The following DNAJC8 variants were observed in gnomAD, a reference collection of about 807,000 sequenced individuals.
DNAJC8 encodes DnaJ heat shock protein family (Hsp40) member C8, also known as dnaJ homolog subfamily C member 8.
DNAJC8 carries 24 observed loss-of-function variants against 43.2 expected under a neutral mutation model. The ratio of observed to expected loss-of-function variants is 0.56; its 90% CI spans 0.40 to 0.78. The LOEUF is 0.78. Ranked by LOEUF, DNAJC8 falls within the 30% of genes least tolerant of loss-of-function variation. DNAJC8 has a pLI of 0.00. For synonymous variants in DNAJC8, 83 were observed against 98.0 expected (o/e 0.85, Z 0.90); for missense variants, 207 against 299.4 (o/e 0.69, Z 2.28).
intron 1 of DNAJC8, among the ~76,000 whole-genome samples, chr1:28,231,015 A>G (rs1422990076): frequency 6.6e-6 from 1 of 152,118 alleles, no homozygotes; most frequent in Non-Finnish European, 1.5e-5. Context: ...CTTCTGCTTT[A>G]TTTTTTTATG....
chr1:28,206,425 A>G (rs1224438763), intron 6 of DNAJC8, among the ~76,000 whole-genome samples: 3 of 151,944 alleles, frequency 2.0e-5, no homozygotes, highest in Non-Finnish European at 4.4e-5. Context: ...ATTAGAATGT[A>G]TAATATCCAC....
At chr1:28,221,418 T>C (rs548729885) in intron 2 of DNAJC8, among the ~76,000 whole-genome samples, 2 of 152,216 alleles carry the variant, frequency 1.3e-5, no homozygotes, top group South Asian at 4.1e-4. Flanking sequence ...ATCTTGCAGC[T>C]TTCAGAGCGT....
chr1:28,207,780 G>A (rs909855465), intron 6 of DNAJC8, among the ~76,000 whole-genome samples: 5 of 151,392 alleles, frequency 3.3e-5, no homozygotes, highest in East Asian at 2.0e-4. Context: ...ATTAGGCCGC[G>A]CACGGTGGCT....
Position 28,223,924 on chromosome 1 carries a change from T to C in DNAJC8, c.180+4998A>G, listed in dbSNP as rs538271776. Reference sequence around the variant, plus strand: ...TACCTAGCATTCAAATCTTGATTTCTATATATCATTCTCTGCCAAAAGGAA... The same window carrying C: ...TACCTAGCATTCAAATCTTGATTTCCATATATCATTCTCTGCCAAAAGGAA... On this transcript the variant is annotated intron_variant, in intron 2 of 8. Coordinates refer to ENST00000263697, the MANE Select transcript of DNAJC8 (RefSeq NM_014280.3). Among the ~76,000 whole-genome samples the C allele has an allele frequency of 4.6e-5, 7 of 152,278 alleles. No individual in the cohort carries two copies. In the South Asian group the frequency reaches 1.4e-3, roughly 32 times the overall value.
chr1:28,216,978 T>A (rs1646860105), intron 2 of DNAJC8, among the ~76,000 whole-genome samples: 1 of 151,852 alleles, frequency 6.6e-6, no homozygotes, highest in Non-Finnish European at 1.5e-5. Context: ...CCGGCTCATT[T>A]TGTATTTTTA....
Position 28,210,142 on chromosome 1 carries a change from T to C in DNAJC8, c.305-76A>G. 4 of 1,275,698 alleles carry C rather than the reference T, an allele frequency of 3.1e-6. No homozygotes were observed. The South Asian group carries it at 4.8e-5, about 15-fold the overall frequency. The allele number at this position is 1,275,698 out of a possible 1,614,324, so 79.0% of individuals were successfully genotyped here. On this transcript the variant is annotated intron_variant, in intron 4 of 8. Transcript: ENST00000263697. ...CTGAACTATACTCAGGCAGTGTAAATGGACTTGTGCTCTCTAAAGCATTCC... is the reference window on the plus strand; with the variant it reads ...CTGAACTATACTCAGGCAGTGTAAACGGACTTGTGCTCTCTAAAGCATTCC...
Position 28,233,011 on chromosome 1 carries a change from G to T in DNAJC8, c.-13C>A. 1 of 1,610,584 alleles carries T rather than the reference G, an allele frequency of 6.2e-7. No homozygotes were observed. The stretch of plus-strand genomic sequence containing the variant: ...CTGAAGCCGCCATTTCCCCGGCCCA[G>T]CCACCACGTGACCCTTCTGCGCAGG... On this transcript the variant is annotated 5_prime_UTR_variant, in exon 1 of 9. The change creates a new upstream start codon in the 5' untranslated region. Transcript: ENST00000263697.
chr1:28,206,176 A>G (rs1268425482), intron 6 of DNAJC8, among the ~76,000 whole-genome samples: 1 of 151,926 alleles, frequency 6.6e-6, no homozygotes, highest in Non-Finnish European at 1.5e-5. Flanking sequence ...TGGACAACAG[A>G]GCAAGACTCT....
chr1:28,212,168 AATATATATATATATATATATATATATAT>A lies in DNAJC8; in HGVS notation c.238-1559_238-1532del, dbSNP rs201782610. 3.8e-3 allele frequency among the ~76,000 whole-genome samples: 118 copies of A among 31,028 alleles called. 8 individuals are homozygous for A. Among genetic ancestry groups the A allele is most frequent in the African/African-American group, 9.0e-3 (100 of 11,162 alleles). The allele number at this position is 31,028 out of a possible 152,430, so 20.4% of individuals were successfully genotyped here. A position where few individuals can be genotyped will look rare whatever the true frequency, so the allele number is the denominator to read the frequency against. ...CGGACTCCGTCTCAATAAATAAATA[AATATATATATATATATATATATATATAT>A]ATATATATATATATATATAAATGAA... On this transcript the variant is annotated intron_variant, in intron 3 of 8. Coordinates refer to ENST00000263697, the MANE Select transcript of DNAJC8 (RefSeq NM_014280.3).
At chr1:28,231,508 G>A (rs1198984145) in intron 1 of DNAJC8, among the ~76,000 whole-genome samples, 2 of 151,922 alleles carry the variant, frequency 1.3e-5, no homozygotes, top group Non-Finnish European at 2.9e-5. Context: ...TAAGTCAGGA[G>A]ATCAAGACCA....
chr1:28,219,172 C>A (rs1454783506), intron 2 of DNAJC8, among the ~76,000 whole-genome samples: 3 of 151,952 alleles, frequency 2.0e-5, no homozygotes, highest in Admixed American at 6.6e-5. Context: ...GGGATATATA[C>A]AGACAGTAAA....
Position 28,210,080 on chromosome 1 carries a change from T to C in DNAJC8, c.305-14A>G. The C allele has an allele frequency of 3.7e-6, 6 of 1,612,834 alleles. No homozygotes were observed. Among genetic ancestry groups the C allele is most frequent in the Non-Finnish European group, 4.2e-6 (5 of 1,178,874 alleles). On this transcript the variant is annotated splice_polypyrimidine_tract_variant and intron_variant, in intron 4 of 8. Transcript: ENST00000263697. ...CTTTGTCCACAGCTAATGCAAAACA[T>C]TGAAATTAACTGTTTCTGCAAACAC...
chr1:28,221,426 C>T (rs756820483), intron 2 of DNAJC8, among the ~76,000 whole-genome samples: 3 of 152,080 alleles, frequency 2.0e-5, no homozygotes, highest in African/African-American at 7.2e-5. Flanking sequence ...GCTTTCAGAG[C>T]GTGCAAACTC....
At chr1:28,229,684 G>T (rs1646960624) in intron 1 of DNAJC8, among the ~76,000 whole-genome samples, 1 of 151,714 alleles carries the variant, frequency 6.6e-6, no homozygotes, top group Non-Finnish European at 1.5e-5. Context: ...TGAGGCAGGA[G>T]AATCGCTTGA....
chr1:28,207,779 C>T (rs984517784), intron 6 of DNAJC8, among the ~76,000 whole-genome samples: 3 of 151,668 alleles, frequency 2.0e-5, no homozygotes, highest in Non-Finnish European at 2.9e-5. Context: ...AATTAGGCCG[C>T]GCACGGTGGC....
Position 28,207,901 on chromosome 1 carries a change from CA to C in DNAJC8, c.471+440del, listed in dbSNP as rs1381832242. On this transcript the variant is annotated intron_variant, in intron 6 of 8. Coordinates refer to ENST00000263697, the MANE Select transcript of DNAJC8 (RefSeq NM_014280.3). ...TGAAACCCCGTCTCTACTAAAAATA[CA>C]AAAAAATTAGCCAGAGGCCGGGCAG... Among the ~76,000 whole-genome samples the C allele has an allele frequency of 3.9e-5, 6 of 151,908 alleles. No homozygotes were observed. The East Asian group carries it at 9.7e-4, about 25-fold the overall frequency.
rs768671006 is a variant in DNAJC8 at position 28,210,532 on chromosome 1, C to G, written c.304+39G>C. The G allele has an allele frequency of 1.9e-6, 3 of 1,567,342 alleles. No individual in the cohort carries two copies. The South Asian group carries it at 3.3e-5, about 17-fold the overall frequency. The stretch of plus-strand genomic sequence containing the variant: ...CAAGGAACAGTTAGGCCCTGCCATT[C>G]ACAATCTAATACTCAGAAGCAGGTA... On this transcript the variant is annotated intron_variant, in intron 4 of 8. Coordinates refer to ENST00000263697, the MANE Select transcript of DNAJC8 (RefSeq NM_014280.3).
chr1:28,231,101 T>C (rs529246127), intron 1 of DNAJC8, among the ~76,000 whole-genome samples: 25 of 152,360 alleles, frequency 1.6e-4, no homozygotes, highest in African/African-American at 6.0e-4. Flanking sequence ...CCAAGCACAG[T>C]GGCTCATGCC....
intron 1 of DNAJC8, among the ~76,000 whole-genome samples, chr1:28,231,036 T>C (rs1360726693): frequency 6.6e-6 from 1 of 152,206 alleles, no homozygotes; most frequent in African/African-American, 2.4e-5. Flanking sequence ...AAACGCTTTC[T>C]TATACAATAA....
Sources: gnomAD v4.1 joint callset for allele counts (sites outside exome capture counted in the v4.1 genomes callset) on GRCh38, gnomAD v4.1.1 for gene constraint, MANE v1.5 for transcripts, NCBI Gene and HGNC (gene_info 2026-07-23, HGNC 2026-07-21) for gene names.